TRPM3: variants seen among roughly 807,000 people sequenced by gnomAD.
The protein encoded by TRPM3 is long transient receptor potential channel 3.
In TRPM3, 77 loss-of-function variants were observed where a neutral mutation model predicts 181.2. That is an observed-to-expected ratio of 0.42 (90% CI 0.35 to 0.51). The LOEUF (loss-of-function observed/expected upper bound fraction) is 0.51. Among genes scored for constraint, TRPM3 ranks in the 20% least tolerant of loss-of-function variants. The pLI, the probability that TRPM3 is intolerant of heterozygous loss-of-function variation, is 0.01. For synonymous variants in TRPM3, 745 were observed against 796.4 expected (o/e 0.94, Z 1.09); for missense variants, 1,759 against 2,196.7 (o/e 0.80, Z 3.98).
At chr9:70,568,409 A>T (rs1320124320) in intron 22 of TRPM3, among the ~76,000 whole-genome samples, 1 of 152,236 alleles carries the variant, frequency 6.6e-6, no homozygotes, top group Non-Finnish European at 1.5e-5. Context: ...CATTTTAAAA[A>T]AGGTATTAAG....
chr9:70,804,698 CCCTT>C (rs2090213809), intron 6 of TRPM3, among the ~76,000 whole-genome samples: 1 of 104,046 alleles, frequency 9.6e-6, no homozygotes, highest in Admixed American at 9.2e-5. Context: ...TCCTCCCCTC[CCCTT>C]CCCTTCCCTT....
At chr9:71,028,400 A>T (rs1352611831) in intron 1 of TRPM3, among the ~76,000 whole-genome samples, 2 of 152,210 alleles carry the variant, frequency 1.3e-5, no homozygotes, top group Non-Finnish European at 2.9e-5. Flanking sequence ...AAGCAACCAC[A>T]CAAACAAATT....
chr9:71,278,247 G>C (rs1454773646), intron 1 of TRPM3, among the ~76,000 whole-genome samples: 1 of 152,244 alleles, frequency 6.6e-6, no homozygotes, highest in African/African-American at 2.4e-5. Flanking sequence ...CAGATTAGAA[G>C]AGGAGAAATC....
chr9:70,586,207 C>T (rs967870322), intron 22 of TRPM3, among the ~76,000 whole-genome samples: 3 of 152,208 alleles, frequency 2.0e-5, no homozygotes, highest in African/African-American at 7.2e-5. Context: ...GGACTGTAAG[C>T]TCCTTGAAGA....
intron 6 of TRPM3, chr9:70,811,356 A>G: frequency 2.3e-6 from 2 of 873,582 alleles, no homozygotes; most frequent in Non-Finnish European, 3.7e-6. Context: ...ATGGCAACTC[A>G]AGTTGCACAG....
At chr9:71,083,624 A>T (rs2064768907) in intron 1 of TRPM3, among the ~76,000 whole-genome samples, 1 of 151,284 alleles carries the variant, frequency 6.6e-6, no homozygotes, top group Admixed American at 6.6e-5. Flanking sequence ...TGCATTAATT[A>T]TTTTTTTGCT....
At chr9:70,621,349 T>C in intron 14 of TRPM3, 76 bp from the exon 15 acceptor site, 2 of 1,160,040 alleles carry the variant, frequency 1.7e-6, no homozygotes, top group South Asian at 3.3e-5. Flanking sequence ...AGTCCTATTA[T>C]ATATTTTTTG....
In TRPM3 at chr9:71,153,000, A is replaced by T. The variant is rs535770465; in HGVS notation, c.184-288489T>A. On this transcript the variant is annotated intron_variant, in intron 1 of 24. Transcript: ENST00000357533. ...AGAGAACTGAGAAGCAGCCCCTGTC[A>T]TAGTGGCCAATGGCTGTCATGCCAT... Among the ~76,000 whole-genome samples the T allele has an allele frequency of 4.6e-5, 7 of 152,258 alleles. No homozygotes were observed. The East Asian group carries it at 1.4e-3, about 29-fold the overall frequency.
intron 1 of TRPM3, among the ~76,000 whole-genome samples, chr9:71,027,191 C>A (rs937204880): frequency 6.6e-6 from 1 of 152,170 alleles, no homozygotes; most frequent in South Asian, 2.1e-4. Context: ...AGCATACTGT[C>A]TAGGAGCCCT....
At chr9:71,261,778 G>A (rs1370688509) in intron 1 of TRPM3, among the ~76,000 whole-genome samples, 1 of 152,164 alleles carries the variant, frequency 6.6e-6, no homozygotes, top group African/African-American at 2.4e-5. Context: ...CAGGTCTGCT[G>A]GAGTTTGTTG....
At chr9:70,681,412 T>TC in intron 9 of TRPM3, 94 bp downstream of exon 9, 1 of 1,014,604 alleles carries the variant, frequency 9.9e-7, no homozygotes, top group Middle Eastern at 2.1e-4. Flanking sequence ...TGTCATAGTA[T>TC]CATTTGGGAT....
intron 1 of TRPM3, among the ~76,000 whole-genome samples, chr9:71,439,932 T>A (rs2094110912): frequency 6.6e-6 from 1 of 152,052 alleles, no homozygotes; most frequent in African/African-American, 2.4e-5. Flanking sequence ...CATCTCTGGC[T>A]AACACGGTGA....
At chr9:71,084,856 T>C (rs2065010771) in intron 1 of TRPM3, among the ~76,000 whole-genome samples, 1 of 151,956 alleles carries the variant, frequency 6.6e-6, no homozygotes, top group Non-Finnish European at 1.5e-5. Flanking sequence ...GACAGTGACA[T>C]CACGTTACCC....
chr9:70,651,635 T>C (rs911507948), intron 9 of TRPM3, among the ~76,000 whole-genome samples: 8 of 152,240 alleles, frequency 5.3e-5, no homozygotes, highest in South Asian at 2.1e-4. Flanking sequence ...TTGTGAGGAC[T>C]GCCACTGTTA....
At chr9:71,224,178 A>G (rs886849703) in intron 1 of TRPM3, among the ~76,000 whole-genome samples, 69 of 152,336 alleles carry the variant, frequency 4.5e-4, no homozygotes, top group African/African-American at 1.5e-3. Flanking sequence ...CTCCAGCTCC[A>G]GGCAGCTCAG....
chr9:71,025,622 G>A lies in TRPM3; in HGVS notation c.177+95556C>T, dbSNP rs79085943. Among the ~76,000 whole-genome samples the A allele has an allele frequency of 5.0e-3, 764 of 152,302 alleles. 19 individuals carry two copies. In the East Asian group the frequency reaches 0.078, roughly 16 times the overall value. On this transcript the variant is annotated intron_variant, in intron 1 of 25. Coordinates refer to ENST00000677713, the MANE Select transcript of TRPM3 (RefSeq NM_001366145.2). ...GTACAATATACACAATATGTAGCGC[G>A]CAGAAACAAAAAGCCAGATGGAGGG...
At chr9:70,992,560 G>C (rs561469761) in intron 1 of TRPM3, among the ~76,000 whole-genome samples, 108 of 152,300 alleles carry the variant, frequency 7.1e-4, no homozygotes, top group African/African-American at 2.5e-3. Flanking sequence ...CTGTGGTGAT[G>C]GAAATGATCT....
chr9:70,536,482 T>C lies in TRPM3; in HGVS notation c.4631A>G (p.Tyr1544Cys), dbSNP rs752645275. Residue 1544 changes from tyrosine (Y) to cysteine (C), a missense_variant, in exon 26 of 26, where the codon TAT (tyrosine) becomes TGT (cysteine). Tyr to Cys is a radical substitution (Grantham distance 194). Around this residue, in one of 8 missense-constraint regions of TRPM3, gnomAD observed 612 missense variants for 590.0 expected, o/e 1.04. Transcript: ENST00000677713. ...TTTTACAGGCACCCCAAAGTTGGCA[T>C]AATAGCTCCTTGAGGGGGAAAACAT... ...SFMFSPSRSY[Y>C]ANFGVPVKTA... The C allele has an allele frequency of 1.9e-6, 3 of 1,614,134 alleles. No homozygotes were observed. The highest frequency in any genetic ancestry group is 2.5e-6 in the Non-Finnish European group (3 of 1,180,032).
At chr9:71,192,403 T>C (rs1039069700) in intron 1 of TRPM3, among the ~76,000 whole-genome samples, 2 of 151,846 alleles carry the variant, frequency 1.3e-5, no homozygotes, top group Non-Finnish European at 2.9e-5. Flanking sequence ...TAAGAGAATT[T>C]ATGACAGAGA....
Sources: allele counts gnomAD v4.1 joint callset (sites outside exome capture counted in the v4.1 genomes callset), GRCh38; gene constraint gnomAD v4.1.1; regional missense constraint gnomAD v4.1.1; transcripts MANE v1.5; gene names NCBI Gene and HGNC (gene_info 2026-07-23, HGNC 2026-07-21).